The following PP2D1 variants were observed in gnomAD, a reference collection of about 807,000 sequenced individuals.
PP2D1 encodes protein phosphatase 2C like domain containing 1.
PP2D1 carries 25 observed loss-of-function variants against 30.2 expected under a neutral mutation model. That is an observed-to-expected ratio of 0.83 (90% CI 0.60 to 1.16). The LOEUF (loss-of-function observed/expected upper bound fraction) is 1.16. PP2D1 is among the 50% of genes most tolerant of loss of function. PP2D1 has a pLI of 0.00. For synonymous variants in PP2D1, 260 were observed against 258.9 expected, an observed-to-expected ratio of 1.00 and a Z score of -0.04; for missense variants, 760 against 742.4, an observed-to-expected ratio of 1.02 and a Z score of -0.28.
intron 2 of PP2D1, among the ~76,000 whole-genome samples, chr3:20,000,633 A>G (rs922766941): frequency 2.6e-5 from 4 of 152,242 alleles, no homozygotes; most frequent in South Asian, 2.1e-4. Context: ...TAACTGACCA[A>G]TTTAAACAAC....
chr3:20,007,030 CA>C (rs1697327540), intron 1 of PP2D1, among the ~76,000 whole-genome samples: 1 of 149,748 alleles, frequency 6.7e-6, no homozygotes, highest in Non-Finnish European at 1.5e-5. Flanking sequence ...CACACACACA[CA>C]CGTATATATA....
downstream of PP2D1, among the ~76,000 whole-genome samples, chr3:19,981,036 A>G (rs750924416): frequency 1.3e-5 from 2 of 152,214 alleles, no homozygotes; most frequent in African/African-American, 2.4e-5. Context: ...GTAAAGTTAG[A>G]GTCTTACCAT....
At chr3:19,990,417 T>C (rs987383494) in intron 2 of PP2D1, among the ~76,000 whole-genome samples, 1 of 152,222 alleles carries the variant, frequency 6.6e-6, no homozygotes, top group African/African-American at 2.4e-5. Flanking sequence ...CCCAAAATGC[T>C]GGGATTACAA....
chr3:19,989,607 A>C (rs925395623), intron 2 of PP2D1, among the ~76,000 whole-genome samples: 4 of 152,192 alleles, frequency 2.6e-5, no homozygotes, highest in African/African-American at 9.6e-5. Context: ...CTTTTGCTGG[A>C]TTATAAATTA....
intron 2 of PP2D1, among the ~76,000 whole-genome samples, chr3:19,989,331 A>C (rs1697086141): frequency 6.6e-6 from 1 of 152,196 alleles, no homozygotes; most frequent in African/African-American, 2.4e-5. Flanking sequence ...GACTCAAAAA[A>C]AGCCTAAATT....
chr3:19,995,404 T>C (rs1575085348), intron 2 of PP2D1, among the ~76,000 whole-genome samples: 1 of 151,458 alleles, frequency 6.6e-6, no homozygotes, highest in East Asian at 1.9e-4. Flanking sequence ...CAGCTGTGGG[T>C]GAGGGAATGC....
At chr3:20,004,196 T>G (rs575056749) in intron 1 of PP2D1, among the ~76,000 whole-genome samples, 1 of 152,182 alleles carries the variant, frequency 6.6e-6, no homozygotes, top group Non-Finnish European at 1.5e-5. Context: ...TGTGTTTAGG[T>G]ACACAAATAC....
At chr3:19,993,427 C>G (rs190699529) in intron 2 of PP2D1, among the ~76,000 whole-genome samples, 4 of 152,222 alleles carry the variant, frequency 2.6e-5, no homozygotes, top group Admixed American at 2.6e-4. Flanking sequence ...TGTATTGAGC[C>G]GAATCCACGT....
intron 2 of PP2D1, among the ~76,000 whole-genome samples, chr3:19,996,076 C>CA (rs928314272): frequency 5.3e-5 from 8 of 150,798 alleles, no homozygotes; most frequent in Non-Finnish European, 7.4e-5. Context: ...TTAATAGAAG[C>CA]AAAAAAAATA....
intron 2 of PP2D1, 70 bp from the exon 3 acceptor site, chr3:19,986,252 T>C: frequency 8.8e-7 from 1 of 1,130,496 alleles, no homozygotes; most frequent in Non-Finnish European, 1.2e-6. Context: ...AATCTACTGC[T>C]AACTTTAGTA....
intron 2 of PP2D1, among the ~76,000 whole-genome samples, chr3:19,991,365 A>C (rs1005671146): frequency 6.6e-6 from 1 of 152,232 alleles, no homozygotes; most frequent in East Asian, 1.9e-4. Flanking sequence ...CTGAGTAGGC[A>C]ATATCAACAT....
chr3:20,008,071 G>C (rs1697342883), intron 1 of PP2D1: 1 of 163,468 alleles, frequency 6.1e-6, no homozygotes, highest in Middle Eastern at 3.1e-3. Flanking sequence ...TTCTTTCAAG[G>C]TTGCATCTAT....
At chr3:19,986,619 A>G (rs1287662402) in intron 2 of PP2D1, among the ~76,000 whole-genome samples, 1 of 152,246 alleles carries the variant, frequency 6.6e-6, no homozygotes, top group Non-Finnish European at 1.5e-5. Context: ...AAAAAGAATG[A>G]CAGTTGTGTA....
intron 1 of PP2D1, among the ~76,000 whole-genome samples, chr3:20,004,709 T>C (rs1400687684): frequency 6.6e-6 from 1 of 152,166 alleles, no homozygotes; most frequent in Non-Finnish European, 1.5e-5. Flanking sequence ...TTTTTATCCA[T>C]TTCATGTACA....
intron 2 of PP2D1, among the ~76,000 whole-genome samples, chr3:19,998,142 C>G (rs1287427633): frequency 6.6e-6 from 1 of 152,102 alleles, no homozygotes; most frequent in East Asian, 1.9e-4. Flanking sequence ...CCAGCCTGAC[C>G]AGCATGGTGA....
At chr3:19,996,233 A>G (rs973451235) in intron 2 of PP2D1, among the ~76,000 whole-genome samples, 1 of 152,144 alleles carries the variant, frequency 6.6e-6, no homozygotes, top group Non-Finnish European at 1.5e-5. Flanking sequence ...TCCCAAAAAA[A>G]TCAGAAATGA....
At chr3:19,990,847 A>G (rs1464610986) in intron 2 of PP2D1, among the ~76,000 whole-genome samples, 1 of 150,758 alleles carries the variant, frequency 6.6e-6, no homozygotes, top group Non-Finnish European at 1.5e-5. Flanking sequence ...GAAGATTATT[A>G]AATATCACTG....
chr3:19,996,224 C>T (rs965087465), intron 2 of PP2D1, among the ~76,000 whole-genome samples: 10 of 151,600 alleles, frequency 6.6e-5, no homozygotes, highest in Non-Finnish European at 1.5e-4. Context: ...GAGAGAAAAT[C>T]CCAAAAAAAT....
chr3:19,997,870 G>A (rs1031101864), intron 2 of PP2D1, among the ~76,000 whole-genome samples: 4 of 152,124 alleles, frequency 2.6e-5, no homozygotes, highest in African/African-American at 9.6e-5. Context: ...GGTTGGGGAC[G>A]GGGCAGGACG....
Sources: allele counts gnomAD v4.1 joint callset (sites outside exome capture counted in the v4.1 genomes callset), GRCh38; gene constraint gnomAD v4.1.1; transcripts MANE v1.5; gene names NCBI Gene and HGNC (gene_info 2026-07-23, HGNC 2026-07-21).